The following NCOR1 variants were observed in gnomAD, a reference collection of about 807,000 sequenced individuals.
The protein encoded by NCOR1 is protein phosphatase 1, regulatory subunit 109.
Under a neutral mutation model 288.1 loss-of-function variants are expected in NCOR1, and 63 were observed. The observed-to-expected ratio is 0.22, with a 90% confidence interval of 0.18 to 0.27. NCOR1 has a LOEUF of 0.27. Ranked by LOEUF, NCOR1 falls within the 10% of genes least tolerant of loss-of-function variation. The pLI is 1.00. For synonymous variants in NCOR1, 1,007 were observed against 1,065.9 expected, an observed-to-expected ratio of 0.94 and a Z score of 1.08; for missense variants, 2,397 against 3,019.2, an observed-to-expected ratio of 0.79 and a Z score of 4.83.
intron 2 of NCOR1, among the ~76,000 whole-genome samples, chr17:16,192,733 T>C (rs945642386): frequency 2.0e-5 from 3 of 152,206 alleles, no homozygotes; most frequent in Admixed American, 2.0e-4. Context: ...AATGAGGCAA[T>C]ACTTCCTTTA....
At position 16,101,678 on chromosome 17, in the gene NCOR1, C is replaced by A. The variant is rs755777616; in HGVS notation, c.2262G>T (p.Glu754Asp). Residue 754 changes from glutamate (E) to aspartate (D), a missense_variant, in exon 20 of 46, where the codon GAG becomes GAT. Coordinates refer to ENST00000268712, the MANE Select transcript of NCOR1 (RefSeq NM_006311.4). Reference sequence around the variant, plus strand: ...TACTGGGTGCAGTTTCCGTGGTGGGCTCAAGCTCAACCGCAGGTTCTGTGT... The same window carrying A: ...TACTGGGTGCAGTTTCCGTGGTGGGATCAAGCTCAACCGCAGGTTCTGTGT... ...RGNTEPAVEL[E>D]PTTETAPSTS... The A allele has an allele frequency of 1.1e-5, 17 of 1,614,080 alleles. No homozygotes were observed. The highest frequency in any genetic ancestry group is 1.4e-5 in the Non-Finnish European group (16 of 1,180,048).
chr17:16,051,899 G>A (rs1350833499), intron 40 of NCOR1, among the ~76,000 whole-genome samples: 1 of 151,966 alleles, frequency 6.6e-6, no homozygotes, highest in Non-Finnish European at 1.5e-5. Context: ...CAACAAGAGC[G>A]AAACTCCTTC....
chr17:16,166,665 G>A (rs2082067167), intron 4 of NCOR1, among the ~76,000 whole-genome samples: 1 of 151,314 alleles, frequency 6.6e-6, no homozygotes, highest in Non-Finnish European at 1.5e-5. Flanking sequence ...GGGTGACAGA[G>A]CAAGACTCCA....
chr17:16,032,518 A>G (rs369228766), intron 45 of NCOR1, 35 bp from the exon 46 acceptor site: 2 of 1,533,000 alleles, frequency 1.3e-6, no homozygotes, highest in Non-Finnish European at 1.8e-6. Context: ...CATTGTCATG[A>G]ACATAACTGG....
rs1287854050 is a variant in NCOR1, at chr17:16,121,033, G to A, written c.1852+19C>T. 1.9e-6 allele frequency: 3 copies of A among 1,605,724 alleles called. No homozygotes were observed. The highest frequency in any genetic ancestry group is 1.7e-5 in the Admixed American group (1 of 59,598). On this transcript the variant is annotated intron_variant, in intron 16 of 45. Transcript: ENST00000268712. The stretch of plus-strand genomic sequence containing the variant: ...CCGAACAAAATTATGGCCTGTTTAT[G>A]CCAATTGTTTCCACTCACTGGGTTC...
chr17:16,073,274 A>G (rs1347086709), intron 28 of NCOR1, among the ~76,000 whole-genome samples, 155 bp downstream of exon 28: 1 of 152,214 alleles, frequency 6.6e-6, no homozygotes, highest in Non-Finnish European at 1.5e-5. Context: ...ATAAATATAT[A>G]TTTCAGGTGG....
chr17:16,034,830 T>G lies in NCOR1; in HGVS notation c.7070A>C (p.His2357Pro). 1 of 1,614,086 alleles carries G rather than the reference T, an allele frequency of 6.2e-7. No homozygotes were observed. Among genetic ancestry groups the G allele is most frequent in the Non-Finnish European group, 8.5e-7 (1 of 1,179,968 alleles). ...TERPSSVSSV[H>P]SEGDYHRQTP... ...CTGCCTATGGTAATCCCCTTCTGAA[T>G]GTACAGAGGAGACTGAAGAGGGCCG... The change falls in exon 45 of 46, where the codon CAT (histidine) becomes CCT (proline). Residue 2357 changes from histidine to proline, a missense_variant. His to Pro is a moderately conservative substitution (Grantham distance 77). Transcript: ENST00000268712.
chr17:16,062,297 C>T, intron 35 of NCOR1, 27 bp from the exon 36 acceptor site: 2 of 1,566,006 alleles, frequency 1.3e-6, no homozygotes, highest in Non-Finnish European at 1.7e-6. Context: ...GAGAAAGAAA[C>T]AAAGACATAA....
In NCOR1 at chr17:16,121,059, T is replaced by C. The variant is rs1045468290; in HGVS notation, c.1845A>G (p.Pro615=). 5 of 1,613,034 alleles carry C rather than the reference T, an allele frequency of 3.1e-6. No individual in the cohort carries two copies. The Admixed American group carries it at 8.3e-5, about 27-fold the overall frequency. Residue 615 remains proline (P), a synonymous_variant, in exon 16 of 46, where the codon CCA becomes CCG. Coordinates refer to ENST00000268712, the MANE Select transcript of NCOR1 (RefSeq NM_006311.4). ...EEPPPPLPPP[P]EPISTEPVET... ...CCAATTGTTTCCACTCACTGGGTTC[T>C]GGTGGCGGTGGCAGAGGTGGTGGGG...
intron 3 of NCOR1, among the ~76,000 whole-genome samples, chr17:16,181,638 A>G (rs2085507940): frequency 6.6e-6 from 1 of 151,430 alleles, no homozygotes; most frequent in Non-Finnish European, 1.5e-5. Context: ...GAGATGACAG[A>G]TATGTTCACT....
intron 15 of NCOR1, among the ~76,000 whole-genome samples, chr17:16,124,159 G>A (rs1044808603): frequency 6.6e-6 from 1 of 152,122 alleles, no homozygotes; most frequent in African/African-American, 2.4e-5. Flanking sequence ...CATGGCAAGT[G>A]ACTAGCTACT....
intron 19 of NCOR1, 132 bp from the exon 20 acceptor site, chr17:16,101,889 T>A: frequency 1.7e-6 from 2 of 1,176,436 alleles, no homozygotes; most frequent in Non-Finnish European, 1.2e-6. Flanking sequence ...AGTAGTTGTT[T>A]AGGATGAATT....
At chr17:16,140,834 A>G (rs2077042105) in intron 11 of NCOR1, among the ~76,000 whole-genome samples, 1 of 151,814 alleles carries the variant, frequency 6.6e-6, no homozygotes, top group South Asian at 2.1e-4. Flanking sequence ...ACAAACAAAC[A>G]AACAAAAAGT....
At chr17:16,120,332 CAAGT>C (rs1023915600) in intron 16 of NCOR1, among the ~76,000 whole-genome samples, 2 of 152,150 alleles carry the variant, frequency 1.3e-5, no homozygotes, top group African/African-American at 2.4e-5. Flanking sequence ...AAAACCTCTG[CAAGT>C]TCCCCACTTC....
At chr17:16,071,355 T>TAGTGTGA in intron 30 of NCOR1, 54 bp downstream of exon 30, 1 of 1,568,822 alleles carries the variant, frequency 6.4e-7, no homozygotes, top group Non-Finnish European at 8.6e-7. Flanking sequence ...GTCACACTTT[T>TAGTGTGA]TTAAATGTTC....
intron 2 of NCOR1, 140 bp downstream of exon 2, chr17:16,194,322 C>T (rs1159645647): frequency 4.0e-6 from 2 of 494,098 alleles, no homozygotes; most frequent in Non-Finnish European, 7.2e-6. Context: ...ATCTTTGGTT[C>T]CTTGTCTTTG....
intron 21 of NCOR1, among the ~76,000 whole-genome samples, chr17:16,095,333 C>T (rs2066254082): frequency 6.7e-6 from 1 of 149,444 alleles, no homozygotes; most frequent in Non-Finnish European, 1.5e-5. Flanking sequence ...GCCCGGCTGC[C>T]ACCCCGTCTG....
At chr17:16,125,398 A>G (rs2073836264) in intron 15 of NCOR1, among the ~76,000 whole-genome samples, 1 of 151,596 alleles carries the variant, frequency 6.6e-6, no homozygotes, top group Non-Finnish European at 1.5e-5. Flanking sequence ...TCAGCAGATT[A>G]AATTTCATTA....
At chr17:16,062,820 A>G (rs1261001393) in intron 35 of NCOR1, among the ~76,000 whole-genome samples, 1 of 152,182 alleles carries the variant, frequency 6.6e-6, no homozygotes. Flanking sequence ...AATCATTCAC[A>G]TTATCTTCCC....
Sources: allele counts gnomAD v4.1 joint callset (sites outside exome capture counted in the v4.1 genomes callset), GRCh38; gene constraint gnomAD v4.1.1; transcripts MANE v1.5; gene names NCBI Gene and HGNC (gene_info 2026-07-23, HGNC 2026-07-21).